The following MTHFD1L variants were observed in gnomAD, a reference collection of about 807,000 sequenced individuals.
MTHFD1L encodes methylenetetrahydrofolate dehydrogenase (NADP+ dependent) 1 like.
A neutral mutation model predicts 119.5 loss-of-function variants in MTHFD1L; 81 were observed. That is an observed-to-expected ratio of 0.68 (90% CI 0.57 to 0.82). The LOEUF is 0.82. Ranked by LOEUF, MTHFD1L falls within the 40% of genes least tolerant of loss-of-function variation. The probability of loss-of-function intolerance (pLI) is 0.00; values close to 1 mark genes in which losing one functional copy is unlikely to be tolerated. For missense variants in MTHFD1L, 1,125 were observed against 1,253.4 expected (o/e 0.90, Z 1.55); for synonymous variants, 430 against 475.2 (o/e 0.90, Z 1.24).
rs1391579553 is a variant in MTHFD1L, at chr6:150,926,944, TC to T, written c.1256+650del. On this transcript the variant is annotated intron_variant, in intron 11 of 27. Coordinates refer to ENST00000367321, the MANE Select transcript of MTHFD1L (RefSeq NM_015440.5). This position sits in a 1 kb window ranked among gnomAD's most constrained non-coding sequence, Gnocchi z 4.3. Reference sequence around the variant, plus strand: ...AAAGCAAGGGATTTCAAATATTTATTCAGTGTGACCTGAGGGAACATCATGA... The same window carrying T: ...AAAGCAAGGGATTTCAAATATTTATTAGTGTGACCTGAGGGAACATCATGA... 1.3e-5 allele frequency among the ~76,000 whole-genome samples: 2 copies of T among 152,186 alleles called. No individual in the cohort carries two copies. The highest frequency in any genetic ancestry group is 4.8e-5 in the African/African-American group (2 of 41,452).
At chr6:151,015,838 AC>A in intron 24 of MTHFD1L, 145 bp downstream of exon 24, 4 of 1,024,766 alleles carry the variant, frequency 3.9e-6, no homozygotes, top group Non-Finnish European at 5.4e-6. Context: ...TGTAATCCCA[AC>A]ACTTTGGGAG....
Position 150,938,693 on chromosome 6 carries a change from G to A in MTHFD1L, c.1394-6G>A. 1 of 1,609,484 alleles carries A rather than the reference G, an allele frequency of 6.2e-7. No homozygotes were observed. Among genetic ancestry groups the A allele is most frequent in the Non-Finnish European group, 8.5e-7 (1 of 1,178,326 alleles). ...CGTTTGAAATGCCTCTTGCTCTGTT[G>A]TTTAGGAGGAGCCGCGGGTGGTGGA... On this transcript the variant is annotated splice_region_variant and splice_polypyrimidine_tract_variant and intron_variant, in intron 12 of 27. Transcript: ENST00000367321.
intron 7 of MTHFD1L, among the ~76,000 whole-genome samples, chr6:150,888,642 G>A (rs1220873520): frequency 2.0e-5 from 3 of 152,134 alleles, no homozygotes. Context: ...TGCAAATTTT[G>A]TAGAATTTGA....
intron 26 of MTHFD1L, among the ~76,000 whole-genome samples, chr6:151,052,961 G>A (rs1251779591): frequency 5.9e-5 from 9 of 152,178 alleles, no homozygotes; most frequent in Admixed American, 5.2e-4. Context: ...CACTGAGATC[G>A]CCCGTCGTGG....
intron 5 of MTHFD1L, 109 bp downstream of exon 5, chr6:150,882,995 T>C: frequency 5.4e-6 from 6 of 1,113,238 alleles, no homozygotes; most frequent in Non-Finnish European, 6.2e-6. Context: ...GTGTCAGTAA[T>C]TGGATAAAAA....
chr6:151,049,074 AGCCGG>A (rs1221746643), intron 26 of MTHFD1L, among the ~76,000 whole-genome samples: 1 of 152,200 alleles, frequency 6.6e-6, no homozygotes, highest in Non-Finnish European at 1.5e-5. Flanking sequence ...CCGCATTCAC[AGCCGG>A]GCACGGTGGC....
intron 7 of MTHFD1L, among the ~76,000 whole-genome samples, chr6:150,893,687 C>T (rs993057441): frequency 6.6e-6 from 1 of 152,048 alleles, no homozygotes; most frequent in Non-Finnish European, 1.5e-5. Context: ...TTCTATCTAC[C>T]ATCTCTTAAA....
chr6:150,879,399 T>C (rs1046518021), intron 4 of MTHFD1L, among the ~76,000 whole-genome samples: 5 of 152,012 alleles, frequency 3.3e-5, no homozygotes, highest in Admixed American at 2.6e-4. Context: ...GTCATTCTCC[T>C]GCCTCAGCCT....
At chr6:150,887,033 A>G (rs1782441612) in intron 6 of MTHFD1L, among the ~76,000 whole-genome samples, 1 of 151,910 alleles carries the variant, frequency 6.6e-6, no homozygotes, top group African/African-American at 2.4e-5. Flanking sequence ...TCAACGAACT[A>G]AATCTTTTTC....
At chr6:150,961,334 T>C (rs1258552236) in intron 18 of MTHFD1L, among the ~76,000 whole-genome samples, 1 of 152,188 alleles carries the variant, frequency 6.6e-6, no homozygotes, top group Non-Finnish European at 1.5e-5. Flanking sequence ...CCTCAGGTGA[T>C]CCACCCAACT....
intron 7 of MTHFD1L, among the ~76,000 whole-genome samples, chr6:150,892,998 C>T (rs1392741726): frequency 6.6e-6 from 1 of 152,090 alleles, no homozygotes; most frequent in Non-Finnish European, 1.5e-5. Flanking sequence ...CAGGACAGGA[C>T]ACCTGGCACA....
At chr6:150,944,783 T>C (rs1793669683) in intron 14 of MTHFD1L, among the ~76,000 whole-genome samples, 190 bp downstream of exon 14, 2 of 152,200 alleles carry the variant, frequency 1.3e-5, no homozygotes, top group Non-Finnish European at 2.9e-5. Context: ...CTCAAATGGG[T>C]TTATGAGCAC....
At chr6:151,044,826 G>A (rs190817745) in intron 26 of MTHFD1L, among the ~76,000 whole-genome samples, 8 of 152,322 alleles carry the variant, frequency 5.3e-5, no homozygotes, top group Admixed American at 4.6e-4. Context: ...GAGCGTGTTT[G>A]GGGCATCAGT....
rs561481780 is a variant in MTHFD1L at position 151,041,192 on chromosome 6, G to A, written c.2847+4075G>A. Among the ~76,000 whole-genome samples the A allele has an allele frequency of 3.3e-5, 5 of 152,338 alleles. No homozygotes were observed. In the South Asian group the frequency reaches 8.3e-4, roughly 25 times the overall value. ...TCTCACTGGAGGCGGTGGCCCTAGA[G>A]GGCTGCTTTCTATGACAGAGCAGGA... On this transcript the variant is annotated intron_variant, in intron 26 of 27. Transcript: ENST00000367321.
rs201027728 is a variant in MTHFD1L, at chr6:150,949,061, A to C, written c.1654A>C (p.Thr552Pro). The change falls in exon 16 of 28, where the codon ACA becomes CCA. Residue 552 changes from threonine (T) to proline (P), a missense_variant. By Grantham distance (38) the Thr-to-Pro change is conservative (BLOSUM62 -1). This residue lies in a region of MTHFD1L where 1,058 missense variants were observed against 1,151.2 expected (regional missense o/e 0.92). Coordinates refer to ENST00000367321, the MANE Select transcript of MTHFD1L (RefSeq NM_015440.5). ...KLGINKTDPS[T>P]LTEEEVSKFA... The stretch of plus-strand genomic sequence containing the variant: ...GGGAATAAATAAGACTGATCCGAGC[A>C]CACTGACAGAAGAGGAAGTGAGTAA... 4 of 1,614,102 alleles carry C rather than the reference A, an allele frequency of 2.5e-6. No individual in the cohort carries two copies. The highest frequency in any genetic ancestry group is 3.4e-6 in the Non-Finnish European group (4 of 1,179,992).
rs957316306 is a variant in MTHFD1L, at chr6:151,055,684, C to T, written c.2847+18567C>T. 3.9e-5 allele frequency: 6 copies of T among 152,170 alleles called. No homozygotes were observed. The East Asian group carries it at 5.8e-4, about 15-fold the overall frequency. 9.4% of individuals were successfully genotyped at this position (152,170 alleles called of 1,614,324 possible). ...CTGGGATTGCAGGTGCTCACTACCA[C>T]GCCGGCTAATTTTGTATTTTTAGTA... On this transcript the variant is annotated intron_variant, in intron 26 of 27. Transcript: ENST00000367321.
At chr6:151,005,200 G>T (rs151245733) in intron 20 of MTHFD1L, among the ~76,000 whole-genome samples, 1 of 152,046 alleles carries the variant, frequency 6.6e-6, no homozygotes, top group Admixed American at 6.5e-5. Context: ...CCCTTCTCAC[G>T]AGATGGGTCT....
At chr6:150,974,722 T>A (rs1236071802) in intron 20 of MTHFD1L, among the ~76,000 whole-genome samples, 1 of 105,126 alleles carries the variant, frequency 9.5e-6, no homozygotes, top group African/African-American at 4.9e-5. Flanking sequence ...AGAATTCTCT[T>A]CCTTTTTTTT....
chr6:151,023,492 C>T (rs1409374605), intron 24 of MTHFD1L, among the ~76,000 whole-genome samples: 1 of 152,144 alleles, frequency 6.6e-6, no homozygotes, highest in Non-Finnish European at 1.5e-5. Context: ...GCCTGCCAGG[C>T]ACGTCATTCA....
Sources: allele counts gnomAD v4.1 joint callset (sites outside exome capture counted in the v4.1 genomes callset), GRCh38; gene constraint gnomAD v4.1.1; regional missense constraint gnomAD v4.1.1; non-coding constraint Gnocchi (gnomAD v3.1); transcripts MANE v1.5; gene names NCBI Gene and HGNC (gene_info 2026-07-23, HGNC 2026-07-21).